EDA: variants seen among roughly 807,000 people sequenced by gnomAD.
EDA encodes ectodysplasin A.
A neutral mutation model predicts 23.6 loss-of-function variants in EDA; 2 were observed. The ratio of observed to expected loss-of-function variants is 0.08; its 90% confidence interval spans 0.03 to 0.27. The LOEUF is 0.27. EDA is among the 10% of genes least tolerant of loss of function. The pLI, the probability that EDA is intolerant of heterozygous loss-of-function variation, is 1.00. For missense variants in EDA, 229 were observed against 324.2 expected, an observed-to-expected ratio of 0.71 and a Z score of 2.26; for synonymous variants, 131 against 132.0, an observed-to-expected ratio of 0.99 and a Z score of 0.05.
At chrX:69,972,634 A>G (rs967873447) in intron 2 of EDA, among the ~76,000 whole-genome samples, 1 of 111,991 alleles carries the variant, frequency 8.9e-6, no homozygotes, top group East Asian at 2.8e-4. Flanking sequence ...CTTATTTTCT[A>G]TGAAACTTTG....
chrX:69,788,128 G>A (rs2015261795), intron 1 of EDA, among the ~76,000 whole-genome samples: 1 of 111,138 alleles, frequency 9.0e-6, no homozygotes, highest in South Asian at 3.8e-4. Flanking sequence ...CTCGAGCCTT[G>A]GTTTTCAGCT....
At chrX:69,788,899 C>T (rs368650189) in intron 1 of EDA, among the ~76,000 whole-genome samples, 21 of 111,887 alleles carry the variant, frequency 1.9e-4, no homozygotes, top group Admixed American at 8.4e-4. Context: ...GCCTCGCTGC[C>T]GCCTTGCAGT....
At chrX:69,822,361 TG>T (rs941163524) in intron 1 of EDA, among the ~76,000 whole-genome samples, 4 of 111,246 alleles carry the variant, frequency 3.6e-5, no homozygotes, top group African/African-American at 1.3e-4. Context: ...CCAGAGATAG[TG>T]TGATTTTAAA....
intron 1 of EDA, among the ~76,000 whole-genome samples, chrX:69,903,367 A>G (rs1312496205): frequency 4.5e-5 from 5 of 111,241 alleles, no homozygotes. Context: ...CTTCTGTCAT[A>G]TATCCTTTGA....
chrX:69,948,574 G>A (rs35407838), intron 1 of EDA, among the ~76,000 whole-genome samples: 7,815 of 111,379 alleles, frequency 0.07, 302 homozygotes, highest in Non-Finnish European at 0.11. Flanking sequence ...GTCCTTGTTT[G>A]CTTACTCCCA....
chrX:69,918,701 C>T (rs745594137), intron 1 of EDA, among the ~76,000 whole-genome samples: 4 of 111,344 alleles, frequency 3.6e-5, no homozygotes, highest in South Asian at 3.8e-4. Context: ...TGGTGGTATC[C>T]GTACACACAG....
intron 2 of EDA, among the ~76,000 whole-genome samples, chrX:70,004,546 C>T (rs956805109): frequency 1.8e-5 from 2 of 112,063 alleles, no homozygotes; most frequent in African/African-American, 6.5e-5. Context: ...GAGCTTGCCA[C>T]GCATATTTGC....
At chrX:69,719,336 T>C (rs369976236) in intron 1 of EDA, among the ~76,000 whole-genome samples, 11 of 109,678 alleles carry the variant, frequency 1.0e-4, no homozygotes, top group Non-Finnish European at 2.1e-4. Context: ...CATGTAACTG[T>C]TTAACACATT....
chrX:69,900,334 G>GAT lies in EDA; in HGVS notation c.397-56682_397-56681dup, dbSNP rs948671875. On this transcript the variant is annotated intron_variant, in intron 1 of 7. Coordinates refer to ENST00000374552, the MANE Select transcript of EDA (RefSeq NM_001399.5). ...TCATAAATATATATATCATATGTATGATATATATATATCAAACATTGGGCT... is the reference window on the plus strand; with the variant it reads ...TCATAAATATATATATCATATGTATGATATATATATATATCAAACATTGGGCT... 1.3e-4 allele frequency among the ~76,000 whole-genome samples: 14 copies of GAT among 106,652 alleles called. No homozygotes were observed. In the South Asian group the frequency reaches 1.7e-3, roughly 13 times the overall value. The allele number at this position is 106,652 out of a possible 115,157, so 92.6% of individuals were successfully genotyped here.
chrX:69,731,866 C>T (rs1479838081), intron 1 of EDA, among the ~76,000 whole-genome samples: 1 of 111,919 alleles, frequency 8.9e-6, no homozygotes, highest in Non-Finnish European at 1.9e-5. Context: ...TTAAATCTTT[C>T]GCCATTAAAT....
chrX:69,809,679 C>T (rs1239839656), intron 1 of EDA, among the ~76,000 whole-genome samples: 1 of 111,275 alleles, frequency 9.0e-6, no homozygotes. Context: ...AATGTGATCT[C>T]CTAACAGTAT....
intron 1 of EDA, among the ~76,000 whole-genome samples, chrX:69,696,111 T>A (rs1244461379): frequency 9.1e-6 from 1 of 110,352 alleles, no homozygotes; most frequent in African/African-American, 3.3e-5. Context: ...TGGTGGCACA[T>A]GCCTGTAATC....
rs765181159 is a variant in EDA at position 69,956,587 on chromosome X, G to A, written c.397-440G>A. Among the ~76,000 whole-genome samples, 14 of 110,197 alleles carry A rather than the reference G, an allele frequency of 1.3e-4. 1 individual carries two copies. The highest frequency in any genetic ancestry group is 4.3e-4 in the African/African-American group (13 of 30,333). On this transcript the variant is annotated intron_variant, in intron 1 of 7. Coordinates refer to ENST00000374552, the MANE Select transcript of EDA (RefSeq NM_001399.5). Reference sequence around the variant, plus strand: ...TCGAACTCCTGACCTCAGGTGATCCGCCCACCTCGGCCTCCCAAAGTGCTG... The same window carrying A: ...TCGAACTCCTGACCTCAGGTGATCCACCCACCTCGGCCTCCCAAAGTGCTG...
chrX:69,780,784 CTG>C (rs1300251309), intron 1 of EDA, among the ~76,000 whole-genome samples: 1 of 111,052 alleles, frequency 9.0e-6, no homozygotes. Flanking sequence ...TCCACCAAGA[CTG>C]TAAGTTTCCT....
intron 1 of EDA, among the ~76,000 whole-genome samples, chrX:69,669,174 G>A (rs1301208356): frequency 9.1e-6 from 1 of 109,872 alleles, no homozygotes; most frequent in Non-Finnish European, 1.9e-5. Flanking sequence ...TAAAGCTTAA[G>A]TGGGTACCCC....
At chrX:69,910,378 T>A (rs1997536) in intron 1 of EDA, among the ~76,000 whole-genome samples, 1,309 of 44,613 alleles carry the variant, frequency 0.029, 9 homozygotes, top group East Asian at 0.11. Context: ...AGAGAGAGTG[T>A]GTGTGTGTGT....
intron 1 of EDA, among the ~76,000 whole-genome samples, chrX:69,859,653 G>A (rs1444310466): frequency 3.6e-5 from 4 of 111,521 alleles, no homozygotes; most frequent in East Asian, 2.8e-4. Flanking sequence ...TTATGCAATC[G>A]ATTTTAGAGT....
At chrX:69,722,736 C>T (rs912100396) in intron 1 of EDA, among the ~76,000 whole-genome samples, 1 of 111,290 alleles carries the variant, frequency 9.0e-6, no homozygotes, top group Non-Finnish European at 1.9e-5. Context: ...AAGAGTCAGA[C>T]AGACTTGCAT....
intron 1 of EDA, among the ~76,000 whole-genome samples, chrX:69,929,601 T>A (rs2147674296): frequency 9.1e-6 from 1 of 110,061 alleles, no homozygotes; most frequent in South Asian, 4.0e-4. Context: ...ACACATAGAA[T>A]TGTGTTTCAC....
Sources: allele counts gnomAD v4.1 joint callset (sites outside exome capture counted in the v4.1 genomes callset), GRCh38; gene constraint gnomAD v4.1.1; transcripts MANE v1.5; gene names NCBI Gene and HGNC (gene_info 2026-07-23, HGNC 2026-07-21).